The following WDR77 variants were observed in gnomAD, a reference collection of about 807,000 sequenced individuals.
WDR77 encodes the protein WD repeat domain 77.
In WDR77, 31 loss-of-function variants were observed where a neutral mutation model predicts 44.0. The observed-to-expected ratio is 0.70, with a 90% CI of 0.53 to 0.95. The LOEUF is 0.95. WDR77 is among the 40% of genes least tolerant of loss of function. The pLI, the probability that WDR77 is intolerant of heterozygous loss-of-function variation, is 0.00. For synonymous variants in WDR77, 186 were observed against 165.7 expected (o/e 1.12, Z -0.94); for missense variants, 390 against 423.9 (o/e 0.92, Z 0.70).
chr1:111,441,747 A>G, intron 9 of WDR77: 1 of 634,010 alleles, frequency 1.6e-6, no homozygotes, highest in East Asian at 3.4e-5. Context: ...GTGAGAGGGT[A>G]GACTGCCGCC....
rs769323751 is a variant in WDR77 at position 111,444,089 on chromosome 1, G to C, written c.529C>G (p.Pro177Ala). 1 of 1,614,070 alleles carries C rather than the reference G, an allele frequency of 6.2e-7. No individual in the cohort carries two copies. Among genetic ancestry groups the C allele is most frequent in the South Asian group, 1.1e-5 (1 of 91,074 alleles). ...AAQVTCVAAS[P>A]HKDSVFLSCS... ...GAAAGAAACACAGAGTCCTTGTGAG[G>C]AGAGGCAGCAACACAAGTGACCTGA... Residue 177 changes from proline (P) to alanine (A), a missense_variant, in exon 5 of 10, where the codon CCT becomes GCT. By Grantham distance (27) the Pro-to-Ala change is conservative (BLOSUM62 -1). Coordinates refer to ENST00000235090, the MANE Select transcript of WDR77 (RefSeq NM_024102.4).
At chr1:111,442,219 A>G in intron 8 of WDR77, 126 bp from the exon 9 acceptor site, 1 of 849,208 alleles carries the variant, frequency 1.2e-6, no homozygotes, top group Non-Finnish European at 1.9e-6. Flanking sequence ...ACTTTTGGCT[A>G]ATCTGGCTAC....
intron 4 of WDR77, among the ~76,000 whole-genome samples, chr1:111,444,955 C>T (rs1652966910): frequency 1.3e-5 from 2 of 152,252 alleles, no homozygotes; most frequent in African/African-American, 4.8e-5. Context: ...CTTTACAATG[C>T]AGACTGGCTT....
At position 111,449,243 on chromosome 1, in the gene WDR77, C is replaced by T; in HGVS notation, c.-74G>A. On this transcript the variant is annotated 5_prime_UTR_variant, in exon 1 of 10. In the 5' UTR this introduces an upstream ATG that the reference lacks. Transcript: ENST00000235090. ...GACTCCGCTCCGGCAGCAAACCCCA[C>T]GTGGTGCACCTCTGAGCCTCCGCCC... 2 of 1,535,914 alleles carry T rather than the reference C, an allele frequency of 1.3e-6. No homozygotes were observed. Among genetic ancestry groups the T allele is most frequent in the Non-Finnish European group, 1.7e-6 (2 of 1,146,750 alleles).
chr1:111,446,031 A>G, intron 4 of WDR77, among the ~76,000 whole-genome samples: 1 of 152,228 alleles, frequency 6.6e-6, no homozygotes, highest in East Asian at 1.9e-4. Context: ...TCAGCCTCCC[A>G]AAGTGCTGGG....
At position 111,440,680 on chromosome 1, in the gene WDR77, G is replaced by A. The variant is rs1250830578; in HGVS notation, c.*550C>T. The A allele has an allele frequency of 6.6e-6, 1 of 152,212 alleles. No homozygotes were observed. The highest frequency in any genetic ancestry group is 1.5e-5 in the Non-Finnish European group (1 of 68,048). The allele number at this position is 152,212 out of a possible 1,614,324, so 9.4% of individuals were successfully genotyped here. Reference sequence around the variant, plus strand: ...ATTCAGTTTAATGGTAAGGAGTTGTGTAAAACCGTACCAAGTCCTGCTTCT... The same window carrying A: ...ATTCAGTTTAATGGTAAGGAGTTGTATAAAACCGTACCAAGTCCTGCTTCT... On this transcript the variant is annotated 3_prime_UTR_variant, in exon 10 of 10. Transcript: ENST00000235090.
chr1:111,449,094 A>C lies in WDR77; in HGVS notation c.76T>G (p.Cys26Gly). 1 of 1,599,268 alleles carries C rather than the reference A, an allele frequency of 6.3e-7. No homozygotes were observed. Among genetic ancestry groups the C allele is most frequent in the Non-Finnish European group, 8.5e-7 (1 of 1,175,688 alleles). Residue 26 changes from cysteine to glycine, a missense_variant, in exon 1 of 10, where the codon TGC (cysteine) becomes GGC (glycine). Coordinates refer to ENST00000235090, the MANE Select transcript of WDR77 (RefSeq NM_024102.4). ...GCAGCCTCCAACTGCCGTTCCATGC[A>C]GGCGGGCGCATTTGGGGGAAGATTC... ...EWNLPPNAPACMERQLEAARY... is the reference protein window; with the variant it reads ...EWNLPPNAPAGMERQLEAARY...
intron 6 of WDR77, 146 bp downstream of exon 6, chr1:111,443,720 GC>G: frequency 6.7e-7 from 1 of 1,486,466 alleles, no homozygotes. Flanking sequence ...GGTTAGCAGA[GC>G]CTCACTGGAA....
At chr1:111,446,964 C>A (rs1273146306) in intron 4 of WDR77, 131 bp downstream of exon 4, 3 of 900,664 alleles carry the variant, frequency 3.3e-6, no homozygotes, top group South Asian at 1.6e-5. Flanking sequence ...GGAGTAGATA[C>A]CGGAGCCTGA....
Position 111,449,181 on chromosome 1 carries a change from C to G in WDR77, c.-12G>C. 1.3e-6 allele frequency: 2 copies of G among 1,565,832 alleles called. No individual in the cohort carries two copies. The highest frequency in any genetic ancestry group is 1.7e-6 in the Non-Finnish European group (2 of 1,162,358). On this transcript the variant is annotated 5_prime_UTR_variant, in exon 1 of 10. Coordinates refer to ENST00000235090, the MANE Select transcript of WDR77 (RefSeq NM_024102.4). ...GTTTCCTTCCGCATCTCCACGGTTC[C>G]AACTCCAACCTAGACTCAAACTGGA... is the stretch of plus-strand genomic sequence containing the variant.
In WDR77 at chr1:111,447,586, G is replaced by T; in HGVS notation, c.302-10C>A. ...CACAATTCAACAGCACCTGTTGGGG[G>T]TAGGGTAAGGAAAACATGAGCTTGG... On this transcript the variant is annotated splice_polypyrimidine_tract_variant and intron_variant, in intron 2 of 9. Transcript: ENST00000235090. 6.2e-7 allele frequency: 1 copy of T among 1,614,160 alleles called. No homozygotes were observed. The highest frequency in any genetic ancestry group is 1.3e-5 in the African/African-American group (1 of 75,040).
rs1302806799 is a variant in WDR77, at chr1:111,448,651, C to T, written c.269G>A (p.Gly90Glu). 2.5e-6 allele frequency: 4 copies of T among 1,614,052 alleles called. No individual in the cohort carries two copies. The African/African-American group carries it at 5.3e-5, about 22-fold the overall frequency. Residue 90 changes from glycine to glutamate, a missense_variant, in exon 2 of 10, where the codon GGG (glycine) becomes GAG (glutamate). Coordinates refer to ENST00000235090, the MANE Select transcript of WDR77 (RefSeq NM_024102.4). ...GGAGGCCACTAGAATACCTCTCTCC[C>T]CAACCCAAGTGAGGTCAGCCACTCC... Reference protein sequence around the residue: ...EAGVADLTWVGERGILVASDS... With the variant: ...EAGVADLTWVEERGILVASDS...
Position 111,441,098 on chromosome 1 carries a change from C to T in WDR77, c.*132G>A, listed in dbSNP as rs1571363395. The T allele has an allele frequency of 6.9e-6, 7 of 1,011,650 alleles. No homozygotes were observed. Among genetic ancestry groups the T allele is most frequent in the South Asian group, 4.1e-5 (1 of 24,166 alleles). 62.7% of individuals were successfully genotyped at this position (1,011,650 alleles called of 1,614,324 possible). On this transcript the variant is annotated 3_prime_UTR_variant, in exon 10 of 10. Transcript: ENST00000235090. ...ATCCAGCCTCCCTCAGGCTGAGAGA[C>T]GATGCCTATTAACGGCACAGATCTA...
At chr1:111,443,689 G>T in intron 6 of WDR77, 178 bp downstream of exon 6, 1 of 985,338 alleles carries the variant, frequency 1.0e-6, no homozygotes, top group Non-Finnish European at 1.2e-6. Context: ...CCTTCCTCTT[G>T]GTATTCATTG....
Position 111,442,669 on chromosome 1 carries a change from C to G in WDR77, c.784G>C (p.Val262Leu), listed in dbSNP as rs1652863309. ...AVHSQCVTGL[V>L]FSPHSVPFLA... ...GAACAGTACCTGTGTGGGGAGAACA[C>G]CAGCCCAGTGACACACTGGGAGTGT... The change falls in exon 8 of 10, where the codon GTG (valine) becomes CTG (leucine). Residue 262 changes from valine to leucine, a missense_variant. Physicochemically the swap from Val to Leu is conservative, Grantham distance 32 (BLOSUM62 1). Transcript: ENST00000235090. 1.3e-6 allele frequency: 2 copies of G among 1,581,198 alleles called. No homozygotes were observed. Among genetic ancestry groups the G allele is most frequent in the African/African-American group, 2.7e-5 (2 of 74,338 alleles).
Position 111,448,686 on chromosome 1 carries a change from T to C in WDR77, c.234A>G (p.Gln78=). ...TGAGGTCAGCCACTCCAGCCTCCGT[T>C]TGGACTCCGGCGGAGCAGAAGCCTT... ...PNEGFCSAGV[Q]TEAGVADLTW... Residue 78 remains glutamine (Q), a synonymous_variant, in exon 2 of 10, where the codon CAA becomes CAG. Transcript: ENST00000235090. 2.5e-6 allele frequency: 4 copies of C among 1,614,154 alleles called. No individual in the cohort carries two copies. Among genetic ancestry groups the C allele is most frequent in the Middle Eastern group, 1.7e-4 (1 of 6,056 alleles).
At chr1:111,447,191 A>C in intron 3 of WDR77, 47 bp from the exon 4 acceptor site, 1 of 1,606,428 alleles carries the variant, frequency 6.2e-7, no homozygotes, top group Non-Finnish European at 8.5e-7. Flanking sequence ...CTACACTATC[A>C]ACATAAAAAC....
At position 111,448,602 on chromosome 1, in the gene WDR77, A is replaced by C. The variant is rs1471841110; in HGVS notation, c.301+17T>G. ...TTCCACCCGGGGGTGGGGGTGGATAATGGGATAGTGACTCACCTGAATCGG... is the reference window on the plus strand; with the variant it reads ...TTCCACCCGGGGGTGGGGGTGGATACTGGGATAGTGACTCACCTGAATCGG... On this transcript the variant is annotated intron_variant, in intron 2 of 9. Coordinates refer to ENST00000235090, the MANE Select transcript of WDR77 (RefSeq NM_024102.4). 1.2e-6 allele frequency: 2 copies of C among 1,613,870 alleles called. No individual in the cohort carries two copies. The highest frequency in any genetic ancestry group is 1.7e-6 in the Non-Finnish European group (2 of 1,179,982).
intron 4 of WDR77, 42 bp from the exon 5 acceptor site, chr1:111,444,166 T>C: frequency 1.9e-6 from 3 of 1,600,820 alleles, no homozygotes; most frequent in Non-Finnish European, 2.6e-6. Flanking sequence ...GAAAACAAGC[T>C]GAAGCATTAC....
Sources: allele counts gnomAD v4.1 joint callset (sites outside exome capture counted in the v4.1 genomes callset), GRCh38; gene constraint gnomAD v4.1.1; transcripts MANE v1.5; gene names NCBI Gene and HGNC (gene_info 2026-07-23, HGNC 2026-07-21).